Variants in FHL2 observed in about 807,000 individuals in gnomAD.
The protein encoded by FHL2 is four and a half LIM domains protein 2.
FHL2 carries 20 observed loss-of-function variants against 32.7 expected under a neutral mutation model. The ratio of observed to expected loss-of-function variants is 0.61; its 90% CI spans 0.43 to 0.89. FHL2 has a LOEUF of 0.89. FHL2 is among the 40% of genes least tolerant of loss of function. The pLI is 0.00. For missense variants in FHL2, 311 were observed against 358.6 expected (o/e 0.87, Z 1.07); for synonymous variants, 123 against 128.1 (o/e 0.96, Z 0.27).
chr2:105,404,648 C>T (rs531465043), intron 1 of FHL2, among the ~76,000 whole-genome samples: 4 of 152,324 alleles, frequency 2.6e-5, no homozygotes, highest in Non-Finnish European at 5.9e-5. Context: ...GTTACAGGAA[C>T]GATCTTGCAG....
chr2:105,414,537 AGGTTTT>A (rs1206029255), intron 1 of FHL2, among the ~76,000 whole-genome samples: 7 of 151,946 alleles, frequency 4.6e-5, no homozygotes, highest in African/African-American at 1.7e-4. Flanking sequence ...AGAGATTTAA[AGGTTTT>A]TGTTTGGTTT....
upstream of FHL2, chr2:105,399,632 A>G (rs1019293421): frequency 1.3e-6 from 2 of 1,509,598 alleles, no homozygotes; most frequent in African/African-American, 1.4e-5. Flanking sequence ...CTAGTTAGAC[A>G]TCTTGGATTC....
intron 1 of FHL2, among the ~76,000 whole-genome samples, chr2:105,415,229 G>A (rs1683899668): frequency 6.6e-6 from 1 of 152,218 alleles, no homozygotes; most frequent in Non-Finnish European, 1.5e-5. Flanking sequence ...CCAAGACAGG[G>A]TGTTAAGTGA....
Position 105,397,101 on chromosome 2 carries a change from C to A in FHL2, c.-75-404G>T, listed in dbSNP as rs553427618. 4.3e-5 allele frequency: 7 copies of A among 162,386 alleles called. No homozygotes were observed. In the South Asian group the frequency reaches 9.5e-4, roughly 22 times the overall value. 10.1% of individuals were successfully genotyped at this position (162,386 alleles called of 1,614,324 possible). A position where few individuals can be genotyped will look rare whatever the true frequency, so the allele number is the denominator to read the frequency against. On this transcript the variant is annotated intron_variant, in intron 1 of 6. Transcript: ENST00000530340. ...TCAGTACTGGAAATGGTTTAACACG[C>A]AATCTTGGGTCAAAGTATGCATCAT...
intron 4 of FHL2, among the ~76,000 whole-genome samples, chr2:105,371,426 A>G (rs75786168): frequency 0.016 from 2,481 of 152,106 alleles, 83 homozygotes; most frequent in African/African-American, 0.056. Flanking sequence ...CGCCCTACGG[A>G]ATTCAAATGC....
At chr2:105,405,463 T>G (rs1219104835) in intron 1 of FHL2, among the ~76,000 whole-genome samples, 1 of 152,222 alleles carries the variant, frequency 6.6e-6, no homozygotes, top group East Asian at 1.9e-4. Flanking sequence ...CAGGCTGGAA[T>G]GCAGTGGAGC....
At chr2:105,383,151 G>A (rs1438729277) in intron 3 of FHL2, among the ~76,000 whole-genome samples, 1 of 152,236 alleles carries the variant, frequency 6.6e-6, no homozygotes, top group African/African-American at 2.4e-5. Flanking sequence ...CTCCCAAAGT[G>A]CTGGAATTAC....
intron 2 of FHL2, among the ~76,000 whole-genome samples, chr2:105,391,993 A>C (rs1682768614): frequency 6.6e-6 from 1 of 152,330 alleles, no homozygotes; most frequent in African/African-American, 2.4e-5. Flanking sequence ...AAATCATTCC[A>C]TGATGTCATT....
At chr2:105,428,116 C>T (rs189170115) in intron 1 of FHL2, among the ~76,000 whole-genome samples, 3 of 152,346 alleles carry the variant, frequency 2.0e-5, no homozygotes, top group Admixed American at 1.3e-4. Context: ...CATAAAAGGT[C>T]TCAGTCAACT....
At chr2:105,367,010 G>A (rs1329861603) in intron 5 of FHL2, among the ~76,000 whole-genome samples, 2 of 152,138 alleles carry the variant, frequency 1.3e-5, no homozygotes, top group African/African-American at 4.8e-5. Flanking sequence ...CCTCCCACAG[G>A]TGATCCACCA....
chr2:105,434,513 A>G (rs962817968), intron 1 of FHL2, among the ~76,000 whole-genome samples: 10 of 152,094 alleles, frequency 6.6e-5, no homozygotes, highest in African/African-American at 2.2e-4. Context: ...GGTTGCAGTG[A>G]GCTGAGATCT....
chr2:105,414,904 AT>A (rs1683891721), intron 1 of FHL2, among the ~76,000 whole-genome samples: 1 of 152,224 alleles, frequency 6.6e-6, no homozygotes, highest in Admixed American at 6.5e-5. Context: ...AGAAGACCAA[AT>A]ATCTGTTTCA....
intron 1 of FHL2, among the ~76,000 whole-genome samples, chr2:105,416,464 T>A (rs948159256): frequency 6.6e-6 from 1 of 152,162 alleles, no homozygotes; most frequent in Non-Finnish European, 1.5e-5. Context: ...GATCATCATC[T>A]CTCTCTATAA....
chr2:105,386,230 A>T, intron 3 of FHL2, 131 bp downstream of exon 3: 2 of 976,700 alleles, frequency 2.0e-6, no homozygotes, highest in Non-Finnish European at 3.0e-6. Flanking sequence ...GGCTACACGC[A>T]GGGTCCACGC....
chr2:105,367,647 T>C lies in FHL2; in HGVS notation c.424A>G (p.Ile142Val). The change falls in exon 5 of 7, where the codon ATC becomes GTC. Residue 142 changes from isoleucine (I) to valine (V), a missense_variant. Transcript: ENST00000530340. Reference protein sequence around the residue: ...CQQPIGTKSFIPKDNQNFCVP... With the variant: ...CQQPIGTKSFVPKDNQNFCVP... Reference sequence around the variant, plus strand: ...CAGAAATTCTGATTGTCTTTGGGGATGAAACTCTTGGTTCCAATTGGCTGC... The same window carrying C: ...CAGAAATTCTGATTGTCTTTGGGGACGAAACTCTTGGTTCCAATTGGCTGC... 1.2e-6 allele frequency: 2 copies of C among 1,614,234 alleles called. No individual in the cohort carries two copies. Among genetic ancestry groups the C allele is most frequent in the Non-Finnish European group, 8.5e-7 (1 of 1,180,036 alleles).
chr2:105,417,490 C>G (rs1046231761), intron 1 of FHL2, among the ~76,000 whole-genome samples: 3 of 151,914 alleles, frequency 2.0e-5, no homozygotes, highest in Non-Finnish European at 2.9e-5. Flanking sequence ...TCGCGATCAG[C>G]CTGGGCAACA....
chr2:105,370,193 A>G (rs2679865), intron 4 of FHL2, among the ~76,000 whole-genome samples: 88,237 of 151,678 alleles, frequency 0.58, 26,383 homozygotes, highest in African/African-American at 0.74. Flanking sequence ...GGCAACATAG[A>G]GAGTCCCTGT....
chr2:105,413,743 G>T (rs898047186), intron 1 of FHL2, among the ~76,000 whole-genome samples: 2 of 152,208 alleles, frequency 1.3e-5, no homozygotes, highest in African/African-American at 4.8e-5. Flanking sequence ...GCTTCCCAAA[G>T]CCCTGAGATT....
chr2:105,394,682 A>C lies in FHL2; in HGVS notation c.-25+1965T>G, dbSNP rs190236171. On this transcript the variant is annotated intron_variant, in intron 2 of 6. Coordinates refer to ENST00000530340, the MANE Select transcript of FHL2 (RefSeq NM_001318895.3). ...TTGAAATCTATTTTTAAATTGTTGG[A>C]TTTTAAACAATCTTAGTTTGTAAGG... Among the ~76,000 whole-genome samples, 536 of 152,348 alleles carry C rather than the reference A, an allele frequency of 3.5e-3. 1 individual carries two copies. The highest frequency in any genetic ancestry group is 6.2e-3 in the Non-Finnish European group (425 of 68,036).
Sources: allele counts gnomAD v4.1 joint callset (sites outside exome capture counted in the v4.1 genomes callset), GRCh38; gene constraint gnomAD v4.1.1; transcripts MANE v1.5; gene names NCBI Gene and HGNC (gene_info 2026-07-23, HGNC 2026-07-21).